The following ADGB variants were observed in gnomAD, a reference collection of about 807,000 sequenced individuals.
ADGB encodes the protein calpain-7-like protein.
ADGB carries 172 observed loss-of-function variants against 210.5 expected under a neutral mutation model. The ratio of observed to expected loss-of-function variants is 0.82; its 90% CI spans 0.72 to 0.93. ADGB has a LOEUF of 0.93. Among genes scored for constraint, ADGB ranks in the 40% least tolerant of loss-of-function variants. The pLI is 0.00. For missense variants in ADGB, 2,025 were observed against 1,964.8 expected (o/e 1.03, Z -0.58); for synonymous variants, 658 against 662.7 (o/e 0.99, Z 0.11).
At chr6:146,753,104 A>C (rs1777347935) in intron 27 of ADGB, among the ~76,000 whole-genome samples, 4 of 152,088 alleles carry the variant, frequency 2.6e-5, no homozygotes, top group Admixed American at 2.6e-4. Flanking sequence ...TGAGTTATTA[A>C]ATAAATAAAA....
intron 12 of ADGB, among the ~76,000 whole-genome samples, chr6:146,693,537 C>T (rs967854847): frequency 2.0e-5 from 3 of 152,110 alleles, no homozygotes; most frequent in Admixed American, 6.6e-5. Context: ...TATTTTGTTA[C>T]GGCAGCCCGA....
intron 4 of ADGB, 98 bp from the exon 5 acceptor site, chr6:146,656,673 T>G (rs896825898): frequency 1.1e-5 from 8 of 761,460 alleles, no homozygotes; most frequent in Non-Finnish European, 1.6e-5. Context: ...TAATTTAATA[T>G]TATTCTTGGA....
chr6:146,624,118 A>G (rs931922959), intron 1 of ADGB, among the ~76,000 whole-genome samples: 11 of 151,700 alleles, frequency 7.3e-5, no homozygotes, highest in African/African-American at 2.4e-4. Context: ...CTCTTCTTCA[A>G]TTTTCTGGAT....
intron 1 of ADGB, among the ~76,000 whole-genome samples, chr6:146,620,926 T>C (rs550143826): frequency 6.6e-6 from 1 of 152,270 alleles, no homozygotes; most frequent in Non-Finnish European, 1.5e-5. Context: ...CTGACATTCT[T>C]TGGTGGTTTT....
intron 9 of ADGB, among the ~76,000 whole-genome samples, chr6:146,677,400 C>CT (rs1313721027): frequency 6.6e-6 from 1 of 151,820 alleles, no homozygotes; most frequent in African/African-American, 2.4e-5. Context: ...AAATTTTTAT[C>CT]TTTTTTCTTA....
chr6:146,626,653 C>G (rs1211722810), intron 1 of ADGB, among the ~76,000 whole-genome samples: 3 of 151,468 alleles, frequency 2.0e-5, no homozygotes, highest in East Asian at 3.9e-4. Flanking sequence ...TTCTTTTTTC[C>G]TCTGCATATA....
rs1391194648 is a variant in ADGB at position 146,672,386 on chromosome 6, G to T, written c.1006G>T (p.Val336Leu). ...EGKEIKDGKE[V>L]KDVKEFKPES... ...AAAAGAAATAAAGGATGGAAAGGAA[G>T]TAAAAGACGTGAAGGAATTCAAACC... Residue 336 changes from valine (V) to leucine (L), a missense_variant, in exon 8 of 36, where the codon GTA (valine) becomes TTA (leucine). Transcript: ENST00000397944. The T allele has an allele frequency of 6.4e-7, 1 of 1,551,234 alleles. No individual in the cohort carries two copies. The highest frequency in any genetic ancestry group is 8.7e-7 in the Non-Finnish European group (1 of 1,146,786).
chr6:146,736,225 A>T (rs1777076315), intron 22 of ADGB, among the ~76,000 whole-genome samples: 1 of 152,196 alleles, frequency 6.6e-6, no homozygotes, highest in Admixed American at 6.5e-5. Flanking sequence ...CCTTATGTAA[A>T]CACTTTGATG....
rs888754099 is a variant in ADGB, at chr6:146,741,226, A to G, written c.3132A>G (p.Pro1044=). 6.4e-7 allele frequency: 1 copy of G among 1,551,142 alleles called. No homozygotes were observed. The highest frequency in any genetic ancestry group is 8.7e-7 in the Non-Finnish European group (1 of 1,146,622). Residue 1044 remains proline, a synonymous_variant, in exon 25 of 36, where the codon CCA becomes CCG. Coordinates refer to ENST00000397944, the MANE Select transcript of ADGB (RefSeq NM_024694.4). Reference sequence around the variant, plus strand: ...ATAATGACACAATGGAGCAAGTGCCAAAGGTGTTCCAAAAAGTGGTGCCTT... The same window carrying G: ...ATAATGACACAATGGAGCAAGTGCCGAAGGTGTTCCAAAAAGTGGTGCCTT... ...IVNNDTMEQV[P]KVFQKVVPYL...
At chr6:146,651,615 C>G (rs78114062) in intron 3 of ADGB, among the ~76,000 whole-genome samples, 6,958 of 152,164 alleles carry the variant, frequency 0.046, 299 homozygotes, top group African/African-American at 0.11. Context: ...ATCTGCAGCT[C>G]TTGTTGATAT....
rs145374590 is a variant in ADGB, at chr6:146,667,923, C to T, written c.839+1021C>T. Among the ~76,000 whole-genome samples the T allele has an allele frequency of 3.2e-3, 490 of 152,054 alleles. 2 individuals carry two copies. The highest frequency in any genetic ancestry group is 5.5e-3 in the Non-Finnish European group (376 of 67,936). ...ACTAAAGCTCTCAGAGGTTGAATTC[C>T]CCCAAACTAGGAACATGTAAGTCTT... is the stretch of plus-strand genomic sequence containing the variant. On this transcript the variant is annotated intron_variant, in intron 7 of 35. Coordinates refer to ENST00000397944, the MANE Select transcript of ADGB (RefSeq NM_024694.4).
At chr6:146,666,657 G>A (rs137880384) in intron 6 of ADGB, among the ~76,000 whole-genome samples, 159 bp from the exon 7 acceptor site, 1,791 of 151,968 alleles carry the variant, frequency 0.012, 31 homozygotes, top group African/African-American at 0.041. Flanking sequence ...CTACTTCAGT[G>A]TTTTAACAAA....
intron 13 of ADGB, among the ~76,000 whole-genome samples, chr6:146,702,478 C>T (rs1776504434): frequency 6.6e-6 from 1 of 151,830 alleles, no homozygotes; most frequent in South Asian, 2.1e-4. Flanking sequence ...CAATGTAAAA[C>T]AAATGTAAAG....
chr6:146,665,346 C>T (rs1215245509), intron 6 of ADGB, among the ~76,000 whole-genome samples: 1 of 152,064 alleles, frequency 6.6e-6, no homozygotes, highest in Non-Finnish European at 1.5e-5. Flanking sequence ...TTTTTCCTTA[C>T]CAGCCCTCAG....
intron 25 of ADGB, among the ~76,000 whole-genome samples, chr6:146,742,678 A>G (rs1777178082): frequency 6.6e-6 from 1 of 152,200 alleles, no homozygotes; most frequent in Non-Finnish European, 1.5e-5. Flanking sequence ...ATTCCTGTAC[A>G]TCAGACATGT....
At chr6:146,747,172 T>C (rs1329624472) in intron 26 of ADGB, among the ~76,000 whole-genome samples, 2 of 152,218 alleles carry the variant, frequency 1.3e-5, no homozygotes, top group African/African-American at 4.8e-5. Context: ...ATAATTGGCC[T>C]CCATTAACAA....
At chr6:146,772,756 T>G (rs534596022) in intron 29 of ADGB, among the ~76,000 whole-genome samples, 3 of 151,572 alleles carry the variant, frequency 2.0e-5, no homozygotes, top group East Asian at 1.9e-4. Context: ...ATATGTTGAG[T>G]GTGTTATGTA....
intron 13 of ADGB, among the ~76,000 whole-genome samples, chr6:146,709,963 A>G (rs966225304): frequency 6.6e-6 from 1 of 152,066 alleles, no homozygotes; most frequent in Non-Finnish European, 1.5e-5. Flanking sequence ...CAGGGGGCAA[A>G]TACAGGAAAG....
intron 27 of ADGB, among the ~76,000 whole-genome samples, chr6:146,758,412 T>C (rs1188864007): frequency 1.3e-5 from 2 of 152,094 alleles, no homozygotes; most frequent in African/African-American, 4.8e-5. Context: ...CCACCAATTT[T>C]CTCTGCAATT....
Sources: allele counts gnomAD v4.1 joint callset (sites outside exome capture counted in the v4.1 genomes callset), GRCh38; gene constraint gnomAD v4.1.1; transcripts MANE v1.5; gene names NCBI Gene and HGNC (gene_info 2026-07-23, HGNC 2026-07-21).